The following SGCD variants were observed in gnomAD, a reference collection of about 807,000 sequenced individuals.
SGCD encodes sarcoglycan delta.
A neutral mutation model predicts 36.6 loss-of-function variants in SGCD; 18 were observed. The observed-to-expected ratio is 0.49, with a 90% confidence interval of 0.34 to 0.73. The LOEUF is 0.73. SGCD is among the 30% of genes least tolerant of loss of function. The pLI, the probability that SGCD is intolerant of heterozygous loss-of-function variation, is 0.01. For missense variants in SGCD, 387 were observed against 346.7 expected, an observed-to-expected ratio of 1.12 and a Z score of -0.92; for synonymous variants, 133 against 130.6, an observed-to-expected ratio of 1.02 and a Z score of -0.12.
rs546438207 is a variant in SGCD at position 156,763,518 on chromosome 5, G to C, written c.*4128G>C. 1 of 152,374 alleles carries C rather than the reference G, an allele frequency of 6.6e-6. No homozygotes were observed. The highest frequency in any genetic ancestry group is 2.1e-4 in the South Asian group (1 of 4,832). The allele number at this position is 152,374 out of a possible 1,614,324, so 9.4% of individuals were successfully genotyped here. On this transcript the variant is annotated 3_prime_UTR_variant, in exon 9 of 9. Coordinates refer to ENST00000337851, the MANE Select transcript of SGCD (RefSeq NM_000337.6). ...GAGAAACCAGATGAATGCCAGTTTGGCTTTATTTCTAAGAATCTGGGTCTT... is the reference window on the plus strand; with the variant it reads ...GAGAAACCAGATGAATGCCAGTTTGCCTTTATTTCTAAGAATCTGGGTCTT...
the SGCD span, among the ~76,000 whole-genome samples, chr5:155,796,629 G>A: frequency 6.6e-6 from 1 of 151,440 alleles, no homozygotes; most frequent in Admixed American, 6.6e-5. Context: ...CATGGAGAAA[G>A]CCCGTCTCTA....
chr5:156,595,575 T>C (rs556616978), intron 6 of SGCD, among the ~76,000 whole-genome samples: 14 of 152,330 alleles, frequency 9.2e-5, no homozygotes, highest in Non-Finnish European at 1.9e-4. Flanking sequence ...TTTCTCAAGC[T>C]GTCAAGTCTT....
At chr5:156,170,762 C>A (rs904703827) in intron 3 of SGCD, among the ~76,000 whole-genome samples, 13 of 152,302 alleles carry the variant, frequency 8.5e-5, no homozygotes, top group African/African-American at 2.4e-4. Context: ...GACCATCACC[C>A]CACTATCCTC....
the SGCD span, among the ~76,000 whole-genome samples, chr5:155,802,861 C>T: frequency 2.0e-5 from 3 of 152,156 alleles, no homozygotes; most frequent in Non-Finnish European, 2.9e-5. Context: ...CCATTTTCTA[C>T]TTTGCATAGA....
At chr5:156,258,534 C>T (rs899933763) in intron 3 of SGCD, among the ~76,000 whole-genome samples, 1 of 152,218 alleles carries the variant, frequency 6.6e-6, no homozygotes, top group African/African-American at 2.4e-5. Context: ...AAAATAGCCA[C>T]GATTGTCTAA....
the SGCD span, among the ~76,000 whole-genome samples, chr5:155,840,496 A>G: frequency 7.0e-6 from 1 of 143,614 alleles, no homozygotes; most frequent in Admixed American, 7.2e-5. Flanking sequence ...TCACCGTGTT[A>G]GCCAGGATGG....
intron 1 of SGCD, among the ~76,000 whole-genome samples, chr5:156,085,001 T>C (rs1761059026): frequency 2.0e-5 from 3 of 152,326 alleles, no homozygotes; most frequent in African/African-American, 7.2e-5. Flanking sequence ...GATTAATTTT[T>C]GAATGTTGAA....
chr5:155,986,274 A>G (rs1367683384), intron 1 of SGCD, among the ~76,000 whole-genome samples: 1 of 152,188 alleles, frequency 6.6e-6, no homozygotes, highest in Non-Finnish European at 1.5e-5. Flanking sequence ...AATCTTTTGA[A>G]GGTTCTTATG....
intron 1 of SGCD, among the ~76,000 whole-genome samples, chr5:155,962,128 A>G (rs1240462824): frequency 6.6e-6 from 1 of 152,108 alleles, no homozygotes; most frequent in Non-Finnish European, 1.5e-5. Context: ...ATCTATGCAT[A>G]GTTACATAGC....
chr5:156,608,939 T>C (rs2113450364), intron 6 of SGCD, among the ~76,000 whole-genome samples: 1 of 152,228 alleles, frequency 6.6e-6, no homozygotes, highest in African/African-American at 2.4e-5. Context: ...TATGTGTGTC[T>C]CTGCACATGA....
intron 3 of SGCD, among the ~76,000 whole-genome samples, chr5:156,198,210 C>A (rs1334258293): frequency 2.6e-5 from 4 of 151,982 alleles, no homozygotes; most frequent in Admixed American, 2.6e-4. Context: ...AAAAAAAGAT[C>A]TTTTCCAGTA....
At position 156,391,997 on chromosome 5, in the gene SGCD, T is replaced by C. The variant is rs145477619; in HGVS notation, c.192+47320T>C. On this transcript the variant is annotated intron_variant, in intron 3 of 8. Transcript: ENST00000337851. ...TTGAAAAGGTGTTGCAACATGTCCC[T>C]GTTAGCAACTTTAGTTCTTTTAGCA... 5.2e-4 allele frequency among the ~76,000 whole-genome samples: 79 copies of C among 152,346 alleles called. 1 individual carries two copies. Among genetic ancestry groups the C allele is most frequent in the Non-Finnish European group, 4.3e-4 (29 of 68,030 alleles).
chr5:156,322,260 C>T (rs1767690179), upstream of SGCD, among the ~76,000 whole-genome samples: 1 of 152,154 alleles, frequency 6.6e-6, no homozygotes, highest in Non-Finnish European at 1.5e-5. Context: ...AATATTTTAA[C>T]AGGTCAGAAA....
At chr5:156,205,403 G>A (rs1308332602) in intron 3 of SGCD, among the ~76,000 whole-genome samples, 3 of 152,036 alleles carry the variant, frequency 2.0e-5, no homozygotes, top group Non-Finnish European at 4.4e-5. Context: ...CTAATAAAAG[G>A]CAATGTTTAT....
chr5:155,956,805 C>G (rs79108912), intron 1 of SGCD, among the ~76,000 whole-genome samples: 2 of 150,796 alleles, frequency 1.3e-5, no homozygotes, highest in Middle Eastern at 3.4e-3. Flanking sequence ...GGGCCCCCCC[C>G]CCCGGTTAAT....
At chr5:156,176,993 A>C (rs1561551333) in intron 3 of SGCD, among the ~76,000 whole-genome samples, 2 of 152,042 alleles carry the variant, frequency 1.3e-5, no homozygotes, top group African/African-American at 4.8e-5. Context: ...AAATTAAGGT[A>C]ATTTTTTATT....
rs1757619931 is a variant in SGCD at position 156,767,741 on chromosome 5, C to T, written c.*8351C>T. The T allele has an allele frequency of 1.3e-5, 2 of 152,142 alleles. No homozygotes were observed. The highest frequency in any genetic ancestry group is 2.9e-5 in the Non-Finnish European group (2 of 68,036). 9.4% of individuals were successfully genotyped at this position (152,142 alleles called of 1,614,324 possible). ...TTTGTATTTAATATTATTTCGACCACAGTCTTGTAAAATATATTAATAAAA... is the reference window on the plus strand; with the variant it reads ...TTTGTATTTAATATTATTTCGACCATAGTCTTGTAAAATATATTAATAAAA... On this transcript the variant is annotated 3_prime_UTR_variant, in exon 9 of 9. Transcript: ENST00000337851.
chr5:156,407,489 A>G (rs1772489500), intron 3 of SGCD, among the ~76,000 whole-genome samples: 2 of 152,168 alleles, frequency 1.3e-5, no homozygotes, highest in African/African-American at 4.8e-5. Context: ...ATCTGAACAC[A>G]TATCCCCAGA....
At chr5:156,684,940 G>T (rs951030545) in intron 7 of SGCD, among the ~76,000 whole-genome samples, 3 of 152,126 alleles carry the variant, frequency 2.0e-5, no homozygotes, top group Admixed American at 1.3e-4. Context: ...AGGGAGAAAA[G>T]ACAGGGCTGC....
Sources: gnomAD v4.1 joint callset for allele counts (sites outside exome capture counted in the v4.1 genomes callset) on GRCh38, gnomAD v4.1.1 for gene constraint, MANE v1.5 for transcripts, NCBI Gene and HGNC (gene_info 2026-07-23, HGNC 2026-07-21) for gene names.